The following KCNK4 variants were observed in gnomAD, a reference collection of about 807,000 sequenced individuals.
The protein encoded by KCNK4 is potassium channel subfamily K member 4.
KCNK4 carries 22 observed loss-of-function variants against 28.8 expected under a neutral mutation model. That is an observed-to-expected ratio of 0.76 (90% CI 0.55 to 1.09). The LOEUF is 1.09. KCNK4 is among the 50% of genes least tolerant of loss of function. The pLI, the probability that KCNK4 is intolerant of heterozygous loss-of-function variation, is 0.00. For missense variants in KCNK4, 483 were observed against 546.3 expected, an observed-to-expected ratio of 0.88 and a Z score of 1.15; for synonymous variants, 263 against 252.9, an observed-to-expected ratio of 1.04 and a Z score of -0.38.
chr11:64,298,071 A>G, intron 5 of KCNK4, 39 bp from the exon 6 acceptor site: 2 of 1,604,380 alleles, frequency 1.2e-6, no homozygotes, highest in Non-Finnish European at 1.7e-6. Flanking sequence ...GGCTTGCCCC[A>G]CAATCCAATT....
Position 64,292,296 on chromosome 11 carries a change from G to A in KCNK4, c.-77-646G>A, listed in dbSNP as rs888975392. The stretch of plus-strand genomic sequence containing the variant: ...GCTGTCGCCCCGGTGTGGCCTTTGC[G>A]GACCCCCGCCCCGCTTTTTCCGGGA... On this transcript the variant is annotated intron_variant, in intron 1 of 6. Transcript: ENST00000422670. Among the ~76,000 whole-genome samples, 7 of 152,268 alleles carry A rather than the reference G, an allele frequency of 4.6e-5. No homozygotes were observed. In the South Asian group the frequency reaches 6.2e-4, roughly 14 times the overall value.
intron 1 of KCNK4, 179 bp from the exon 2 acceptor site, chr11:64,292,763 C>A: frequency 1.9e-6 from 1 of 539,362 alleles, no homozygotes; most frequent in Non-Finnish European, 2.8e-6. Context: ...GAGGGCCGGG[C>A]AGCGGAGGTA....
At chr11:64,292,162 T>A in intron 1 of KCNK4, 2 of 924,984 alleles carry the variant, frequency 2.2e-6, no homozygotes, top group Non-Finnish European at 2.6e-6. Flanking sequence ...AGCCTCGGGA[T>A]GGAGCGTGGG....
Position 64,299,549 on chromosome 11 carries a change from G to T in KCNK4, c.1005G>T (p.Ser335=). 6.2e-7 allele frequency: 1 copy of T among 1,608,784 alleles called. No homozygotes were observed. Among genetic ancestry groups the T allele is most frequent in the Non-Finnish European group, 8.5e-7 (1 of 1,178,592 alleles). ...AGCCGCCTTCCCCGCCCACGGCCTC[G>T]GCCCTGGATTATCCCAGCGAGAACC... ...KAQPPSPPTA[S]ALDYPSENLA... The change falls in exon 7 of 7, where the codon TCG becomes TCT. Residue 335 remains serine, a synonymous_variant. Transcript: ENST00000422670.
chr11:64,292,121 G>A, intron 1 of KCNK4: 1 of 1,012,468 alleles, frequency 9.9e-7, no homozygotes, highest in Non-Finnish European at 1.2e-6. Flanking sequence ...CAGGTGGGGT[G>A]CGTGCGTGCA....
chr11:64,297,675 T>C, intron 5 of KCNK4, 22 bp downstream of exon 5: 1 of 1,600,318 alleles, frequency 6.2e-7, no homozygotes, highest in Middle Eastern at 1.7e-4. Flanking sequence ...CTTCTTGTGC[T>C]GCACTTTCCC....
In KCNK4 at chr11:64,293,087, G is replaced by T; in HGVS notation, c.69G>T (p.Val23=). 6.5e-7 allele frequency: 1 copy of T among 1,548,844 alleles called. No homozygotes were observed. The highest frequency in any genetic ancestry group is 8.7e-7 in the Non-Finnish European group (1 of 1,146,038). The change falls in exon 2 of 7, where the codon GTG becomes GTT. Residue 23 remains valine (V), a synonymous_variant. Coordinates refer to ENST00000422670, the MANE Select transcript of KCNK4 (RefSeq NM_033310.3). ...VLLYLVSGAL[V]FRALEQPHEQ... is the part of the protein sequence containing the mutation. ...TTTACTTGGTGTCTGGTGCCCTGGTGTTCCGGGCCCTGGAGCAGCCCCACG... is the reference window on the plus strand; with the variant it reads ...TTTACTTGGTGTCTGGTGCCCTGGTTTTCCGGGCCCTGGAGCAGCCCCACG...
intron 6 of KCNK4, among the ~76,000 whole-genome samples, chr11:64,298,693 A>C (rs2034840224): frequency 6.6e-6 from 1 of 152,070 alleles, no homozygotes; most frequent in African/African-American, 2.4e-5. Context: ...AAACAAACAA[A>C]CATTAACAAC....
chr11:64,293,104 A>G lies in KCNK4; in HGVS notation c.86A>G (p.Gln29Arg). The stretch of plus-strand genomic sequence containing the variant: ...GCCCTGGTGTTCCGGGCCCTGGAGC[A>G]GCCCCACGAGCAGCAGGCCCAGAGG... Reference protein sequence around the residue: ...SGALVFRALEQPHEQQAQREL... With the variant: ...SGALVFRALERPHEQQAQREL... Residue 29 changes from glutamine to arginine, a missense_variant, in exon 2 of 7, where the codon CAG becomes CGG. Transcript: ENST00000422670. The G allele has an allele frequency of 1.3e-6, 2 of 1,547,816 alleles. No individual in the cohort carries two copies. Among genetic ancestry groups the G allele is most frequent in the Non-Finnish European group, 1.7e-6 (2 of 1,145,492 alleles).
At chr11:64,293,284 G>A in intron 2 of KCNK4, 77 bp downstream of exon 2, 1 of 1,363,084 alleles carries the variant, frequency 7.3e-7, no homozygotes, top group Non-Finnish European at 9.6e-7. Context: ...GAGGCCCTGT[G>A]CCAGTGCTGC....
chr11:64,292,019 A>C (rs2034641607), intron 1 of KCNK4: 4 of 1,184,902 alleles, frequency 3.4e-6, no homozygotes, highest in South Asian at 2.9e-5. Flanking sequence ...TGTGCACGCT[A>C]GTGTCCACAC....
At position 64,297,193 on chromosome 11, in the gene KCNK4, C is replaced by A. The variant is rs772525985; in HGVS notation, c.388C>A (p.Leu130Met). Reference sequence around the variant, plus strand: ...CTTTTATGCGCTGGTGGGGATTCCGCTGTTTGGGATCCTACTGGCAGGGGT... The same window carrying A: ...CTTTTATGCGCTGGTGGGGATTCCGATGTTTGGGATCCTACTGGCAGGGGT... ...CIFYALVGIPLFGILLAGVGD... is the reference protein window; with the variant it reads ...CIFYALVGIPMFGILLAGVGD... Residue 130 changes from leucine to methionine, a missense_variant, in exon 4 of 7, where the codon CTG (leucine) becomes ATG (methionine). Physicochemically the swap from Leu to Met is conservative, Grantham distance 15. Coordinates refer to ENST00000422670, the MANE Select transcript of KCNK4 (RefSeq NM_033310.3). 6.2e-7 allele frequency: 1 copy of A among 1,614,144 alleles called. No homozygotes were observed. Among genetic ancestry groups the A allele is most frequent in the African/African-American group, 1.3e-5 (1 of 75,052 alleles).
At chr11:64,297,086 C>T (rs369557602) in intron 3 of KCNK4, 33 bp from the exon 4 acceptor site, 48 of 1,613,512 alleles carry the variant, frequency 3.0e-5, no homozygotes, top group Non-Finnish European at 3.9e-5. Flanking sequence ...TCCCAGGTGG[C>T]CCCTAGACTT....
intron 2 of KCNK4, among the ~76,000 whole-genome samples, chr11:64,295,331 A>G (rs2034738869): frequency 6.6e-6 from 1 of 152,098 alleles, no homozygotes; most frequent in Non-Finnish European, 1.5e-5. Context: ...ATTGAAATAC[A>G]CCAGGCGAGA....
intron 2 of KCNK4, among the ~76,000 whole-genome samples, chr11:64,294,536 A>AG (rs57339798): frequency 1.3e-5 from 2 of 151,018 alleles, no homozygotes; most frequent in Non-Finnish European, 3.0e-5. Context: ...AAAAAAAAAA[A>AG]GAAAGTGTTG....
chr11:64,291,954 G>A, intron 1 of KCNK4: 1 of 949,818 alleles, frequency 1.1e-6, no homozygotes, highest in Non-Finnish European at 1.3e-6. Context: ...TGCGGACGCG[G>A]GGGAGGCGGT....
intron 2 of KCNK4, among the ~76,000 whole-genome samples, chr11:64,295,424 G>A (rs1021334509): frequency 2.6e-5 from 4 of 152,120 alleles, no homozygotes; most frequent in Non-Finnish European, 5.9e-5. Context: ...GGAAAGTTCC[G>A]GAGCATTTTG....
rs910924192 is a variant in KCNK4, at chr11:64,294,631, G to A, written c.189+1424G>A. ...AGTCACTGTCATACAAAAAAATTAA[G>A]ATTTAGCTTTAATAAATTAATGTCT... On this transcript the variant is annotated intron_variant, in intron 2 of 6. Coordinates refer to ENST00000422670, the MANE Select transcript of KCNK4 (RefSeq NM_033310.3). Among the ~76,000 whole-genome samples the A allele has an allele frequency of 2.0e-5, 3 of 151,418 alleles. No homozygotes were observed. In the South Asian group the frequency reaches 6.3e-4, roughly 32 times the overall value.
In KCNK4 at chr11:64,299,340, G is replaced by A. The variant is rs772483824; in HGVS notation, c.802-6G>A. The A allele has an allele frequency of 4.3e-5, 66 of 1,542,524 alleles. No individual in the cohort carries two copies. Among genetic ancestry groups the A allele is most frequent in the Admixed American group, 1.3e-4 (7 of 52,098 alleles). On this transcript the variant is annotated splice_region_variant and splice_polypyrimidine_tract_variant and intron_variant, in intron 6 of 6. Transcript: ENST00000422670. ...TAGTCGAGGGCTGCTTTCCCTCTCCGTGCAGATGGGCGGCCTCACGGCTCA... is the reference window on the plus strand; with the variant it reads ...TAGTCGAGGGCTGCTTTCCCTCTCCATGCAGATGGGCGGCCTCACGGCTCA...
Sources: allele counts gnomAD v4.1 joint callset (sites outside exome capture counted in the v4.1 genomes callset), GRCh38; gene constraint gnomAD v4.1.1; transcripts MANE v1.5; gene names NCBI Gene and HGNC (gene_info 2026-07-23, HGNC 2026-07-21).